The following ANO1 variants were observed in gnomAD, a reference collection of about 807,000 sequenced individuals.
The protein encoded by ANO1 is anoctamin 1.
ANO1 carries 59 observed loss-of-function variants against 124.0 expected under a neutral mutation model. That is an observed-to-expected ratio of 0.48 (90% CI 0.39 to 0.59). The LOEUF is 0.59. Ranked by LOEUF, ANO1 falls within the 20% of genes least tolerant of loss-of-function variation. ANO1 has a pLI of 0.00. For synonymous variants in ANO1, 529 were observed against 532.0 expected (o/e 0.99, Z 0.08); for missense variants, 1,059 against 1,328.0 (o/e 0.80, Z 3.15).
At chr11:70,057,467 G>A (rs2135098785) in intron 1 of ANO1, among the ~76,000 whole-genome samples, 1 of 150,776 alleles carries the variant, frequency 6.6e-6, no homozygotes, top group Middle Eastern at 3.4e-3. Context: ...TGATGTGTGA[G>A]CAATAAAGCT....
intron 11 of ANO1, among the ~76,000 whole-genome samples, chr11:70,136,316 G>C (rs1406552104): frequency 6.6e-6 from 1 of 152,178 alleles, no homozygotes; most frequent in Non-Finnish European, 1.5e-5. Flanking sequence ...GCCTCTGCAG[G>C]AACCCGCACC....
chr11:70,154,386 A>G (rs1397873560), intron 14 of ANO1, among the ~76,000 whole-genome samples: 1 of 151,516 alleles, frequency 6.6e-6, no homozygotes, highest in Non-Finnish European at 1.5e-5. Flanking sequence ...GCCTCCTCTC[A>G]AGGCCCAGCT....
At chr11:70,151,288 C>T (rs1406340916) in intron 12 of ANO1, among the ~76,000 whole-genome samples, 1 of 152,250 alleles carries the variant, frequency 6.6e-6, no homozygotes, top group Non-Finnish European at 1.5e-5. Flanking sequence ...CACCCTCTTC[C>T]TCAGCCGATC....
At chr11:70,100,795 A>G (rs1404995127) in intron 2 of ANO1, among the ~76,000 whole-genome samples, 2 of 152,232 alleles carry the variant, frequency 1.3e-5, no homozygotes, top group African/African-American at 4.8e-5. Context: ...CCGGCACGGA[A>G]CTGACATTGA....
chr11:70,111,988 AC>A (rs2045801823), intron 7 of ANO1, among the ~76,000 whole-genome samples: 1 of 5,636 alleles, frequency 1.8e-4, no homozygotes, highest in South Asian at 2.6e-3. Flanking sequence ...AAACGGGGGC[AC>A]GGGTGGCAGC....
rs904975358 is a variant in ANO1 at position 70,137,267 on chromosome 11, A to G, written c.1258+5188A>G. ...ACCTGTCCCCATTTCACAGAGGAGGAAAGTGAGGCTCCATTGGCACAGCCG... is the reference window on the plus strand; with the variant it reads ...ACCTGTCCCCATTTCACAGAGGAGGGAAGTGAGGCTCCATTGGCACAGCCG... On this transcript the variant is annotated intron_variant, in intron 11 of 25. Coordinates refer to ENST00000355303, the MANE Select transcript of ANO1 (RefSeq NM_018043.7). Among the ~76,000 whole-genome samples the G allele has an allele frequency of 2.9e-4, 42 of 146,436 alleles. 3 individuals carry two copies. The highest frequency in any genetic ancestry group is 8.7e-4 in the African/African-American group (36 of 41,198).
chr11:70,151,686 C>G (rs1224502476), intron 12 of ANO1, among the ~76,000 whole-genome samples: 1 of 152,094 alleles, frequency 6.6e-6, no homozygotes, highest in East Asian at 1.9e-4. Flanking sequence ...AATGAATTTC[C>G]CAAAGTGAGC....
chr11:70,151,119 G>C (rs2047585600), intron 12 of ANO1, among the ~76,000 whole-genome samples: 1 of 152,218 alleles, frequency 6.6e-6, no homozygotes. Context: ...TAACATCCCT[G>C]TACCTCAGTG....
At chr11:70,107,437 T>C (rs2045591685) in intron 5 of ANO1, among the ~76,000 whole-genome samples, 1 of 135,376 alleles carries the variant, frequency 7.4e-6, no homozygotes, top group South Asian at 2.3e-4. Flanking sequence ...GTTTGGAAAG[T>C]GAGAGAGGCA....
upstream of ANO1, among the ~76,000 whole-genome samples, chr11:69,981,624 GAGCAGCTGCCTCGGAGGCTGGGCTGAC>G (rs1239677550): frequency 3.9e-5 from 6 of 152,170 alleles, no homozygotes; most frequent in African/African-American, 1.2e-4. Context: ...TATCAGTGGT[GAGCAGCTGCCTCGGAGGCTGGGCTGAC>G]AGCAGCTGCC....
intron 22 of ANO1, among the ~76,000 whole-genome samples, chr11:70,176,761 A>ACGAT (rs1218600139): frequency 2.6e-5 from 4 of 152,072 alleles, no homozygotes; most frequent in African/African-American, 7.2e-5. Flanking sequence ...CCTGGCCGAG[A>ACGAT]CGATGAACCC....
At chr11:69,997,477 A>G (rs1435893507) in intron 1 of ANO1, among the ~76,000 whole-genome samples, 1 of 152,220 alleles carries the variant, frequency 6.6e-6, no homozygotes, top group Non-Finnish European at 1.5e-5. Context: ...CCCCCAGGCC[A>G]CAGGGCCAGA....
chr11:69,981,578 C>A (rs1441951167), upstream of ANO1, among the ~76,000 whole-genome samples: 1 of 152,240 alleles, frequency 6.6e-6, no homozygotes, highest in South Asian at 2.1e-4. Context: ...AGGACTGTCA[C>A]TCCAGCAACA....
chr11:70,070,356 T>C (rs534389971), intron 1 of ANO1, among the ~76,000 whole-genome samples: 1 of 151,926 alleles, frequency 6.6e-6, no homozygotes, highest in Non-Finnish European at 1.5e-5. Flanking sequence ...AAATACAAAG[T>C]CAGGAAGGGA....
intron 1 of ANO1, among the ~76,000 whole-genome samples, chr11:70,013,393 A>T (rs1183626530): frequency 3.3e-5 from 5 of 151,882 alleles, no homozygotes; most frequent in Non-Finnish European, 7.4e-5. Context: ...CTTTTTTTTA[A>T]AAAAGGAGGT....
At chr11:69,969,188 G>T in the ANO1 span, among the ~76,000 whole-genome samples, 70 of 152,312 alleles carry the variant, frequency 4.6e-4, no homozygotes, top group East Asian at 0.012. Context: ...AGGGGCCGGG[G>T]TGCACAGCTG....
At chr11:70,178,929 G>A (rs2048833499) in intron 22 of ANO1, among the ~76,000 whole-genome samples, 1 of 152,212 alleles carries the variant, frequency 6.6e-6, no homozygotes, top group African/African-American at 2.4e-5. Flanking sequence ...ACACTGGCTG[G>A]GGCCAGGGAG....
chr11:70,165,373 C>T (rs992511539), intron 19 of ANO1, 97 bp from the exon 20 acceptor site: 3 of 1,010,992 alleles, frequency 3.0e-6, no homozygotes, highest in Non-Finnish European at 4.5e-6. Context: ...TTGGAGGACG[C>T]AGGTCAACCC....
At chr11:69,976,528 AAAAAAAAAAAAAAAAAAAAAAAAAAAGAG>A in the ANO1 span, among the ~76,000 whole-genome samples, 44 of 20,700 alleles carry the variant, frequency 2.1e-3, 5 homozygotes, top group South Asian at 0.021. Context: ...AAAAAAAAAA[AAAAAAAAAAAAAAAAAAAAAAAAAAAGAG>A]AGAGAGAGAG....
Sources: gnomAD v4.1 joint callset for allele counts (sites outside exome capture counted in the v4.1 genomes callset) on GRCh38, gnomAD v4.1.1 for gene constraint, MANE v1.5 for transcripts, NCBI Gene and HGNC (gene_info 2026-07-23, HGNC 2026-07-21) for gene names.